RGS14: variants seen among roughly 807,000 people sequenced by gnomAD.
RGS14 encodes the protein regulator of G protein signaling 14.
A neutral mutation model predicts 63.8 loss-of-function variants in RGS14; 33 were observed. The ratio of observed to expected loss-of-function variants is 0.52; its 90% confidence interval spans 0.39 to 0.69. The LOEUF (loss-of-function observed/expected upper bound fraction) is 0.69. Ranked by LOEUF, RGS14 falls within the 30% of genes least tolerant of loss-of-function variation. RGS14 has a pLI of 0.00. For missense variants in RGS14, 739 were observed against 742.9 expected (o/e 0.99, Z 0.06); for synonymous variants, 296 against 320.9 (o/e 0.92, Z 0.83).
intron 5 of RGS14, 142 bp downstream of exon 5, chr5:177,367,176 G>A (rs1762119485): frequency 8.1e-7 from 1 of 1,241,858 alleles, no homozygotes; most frequent in Admixed American, 2.6e-5. Flanking sequence ...GGGCAGGCAG[G>A]GCGGAGCTCA....
chr5:177,358,166 C>T lies in RGS14; in HGVS notation c.45+97C>T, dbSNP rs911327630. ...CCCGGCAGGGCCAGGCAAGAGCCCA[C>T]GGGCTGCCAGCAGGCGAGAGAAGTT... On this transcript the variant is annotated intron_variant, in intron 1 of 14. Transcript: ENST00000408923. The surrounding 1 kb of genome is among the most constrained non-coding windows in gnomAD (Gnocchi z 4.8). 7.6e-6 allele frequency: 8 copies of T among 1,050,332 alleles called. No homozygotes were observed. Among genetic ancestry groups the T allele is most frequent in the Middle Eastern group, 2.4e-4 (1 of 4,242 alleles). 65.1% of individuals were successfully genotyped at this position (1,050,332 alleles called of 1,614,324 possible). A position where few individuals can be genotyped will look rare whatever the true frequency, so the allele number is the denominator to read the frequency against.
At chr5:177,363,365 G>A (rs1180115977) in intron 1 of RGS14, among the ~76,000 whole-genome samples, 3 of 150,776 alleles carry the variant, frequency 2.0e-5, no homozygotes, top group Non-Finnish European at 4.4e-5. Context: ...CCCGCCCAGC[G>A]CGCTCTGCAC....
At chr5:177,369,261 C>T (rs1291065847) in intron 9 of RGS14, among the ~76,000 whole-genome samples, 6 of 152,220 alleles carry the variant, frequency 3.9e-5, no homozygotes, top group Admixed American at 3.9e-4. Context: ...GGGGTGCCCT[C>T]ACCTCCTTAG....
At position 177,359,577 on chromosome 5, in the gene RGS14, G is replaced by A. The variant is rs1419677843; in HGVS notation, c.45+1508G>A. Among the ~76,000 whole-genome samples, 2 of 152,176 alleles carry A rather than the reference G, an allele frequency of 1.3e-5. No individual in the cohort carries two copies. The highest frequency in any genetic ancestry group is 6.5e-5 in the Admixed American group (1 of 15,280). ...TCTACTCAAAAGTCACCTAGAGCAGGGAGGGTGCCCCAAGGTCTGCCCCCA... is the reference window on the plus strand; with the variant it reads ...TCTACTCAAAAGTCACCTAGAGCAGAGAGGGTGCCCCAAGGTCTGCCCCCA... On this transcript the variant is annotated intron_variant, in intron 1 of 14. Coordinates refer to ENST00000408923, the MANE Select transcript of RGS14 (RefSeq NM_006480.5). This position sits in a 1 kb window ranked among gnomAD's most constrained non-coding sequence, Gnocchi z 4.4.
chr5:177,362,094 C>G (rs1417174667), intron 1 of RGS14, among the ~76,000 whole-genome samples: 1 of 152,192 alleles, frequency 6.6e-6, no homozygotes, highest in Non-Finnish European at 1.5e-5. Context: ...TCACAGCAGC[C>G]TCAGGAAATT....
chr5:177,370,879 C>G, intron 10 of RGS14, 26 bp from the exon 11 acceptor site: 1 of 1,587,062 alleles, frequency 6.3e-7, no homozygotes, highest in Non-Finnish European at 8.5e-7. Flanking sequence ...CCCTCCGGCC[C>G]TCTGCTGCCC....
In RGS14 at chr5:177,371,051, G is replaced by A; in HGVS notation, c.1254+20G>A. On this transcript the variant is annotated intron_variant, in intron 11 of 14. Transcript: ENST00000408923. The surrounding 1 kb of genome is among the most constrained non-coding windows in gnomAD (Gnocchi z 6.1). ...CACCGGGTGAGCTTCCGGGCCGCGG[G>A]GCGGGGCGGGGCGGGGCCGGGCCGG... 1.7e-6 allele frequency: 2 copies of A among 1,153,968 alleles called. No individual in the cohort carries two copies. Among genetic ancestry groups the A allele is most frequent in the East Asian group, 4.2e-5 (1 of 24,096 alleles). 71.5% of individuals were successfully genotyped at this position (1,153,968 alleles called of 1,614,324 possible).
Position 177,372,221 on chromosome 5 carries a change from GA to G in RGS14, c.*149del. 1.3e-6 allele frequency: 1 copy of G among 768,620 alleles called. No homozygotes were observed. The highest frequency in any genetic ancestry group is 2.1e-6 in the Non-Finnish European group (1 of 474,562). The allele number at this position is 768,620 out of a possible 1,614,324, so 47.6% of individuals were successfully genotyped here. ...CCCGCAGGAAGAGCCGGTAGGGGTG[GA>G]AAGGGGACTCAGATGAGACACACCC... On this transcript the variant is annotated 3_prime_UTR_variant, in exon 15 of 15. Transcript: ENST00000408923.
Position 177,370,663 on chromosome 5 carries a change from G to C in RGS14, c.1126G>C (p.Glu376Gln). 1.2e-6 allele frequency: 2 copies of C among 1,613,894 alleles called. No individual in the cohort carries two copies. Among genetic ancestry groups the C allele is most frequent in the Non-Finnish European group, 1.7e-6 (2 of 1,179,902 alleles). ...EVRLENRITFELELTALERVV... is the reference protein window; with the variant it reads ...EVRLENRITFQLELTALERVV... ...GCGGCTGGAAAACAGGATCACCTTCGAGTGAGTGTCCTGCCCCCAAGTCTG... is the reference window on the plus strand; with the variant it reads ...GCGGCTGGAAAACAGGATCACCTTCCAGTGAGTGTCCTGCCCCCAAGTCTG... Residue 376 changes from glutamate to glutamine, a missense_variant and splice_region_variant, in exon 10 of 15, where the codon GAG (glutamate) becomes CAG (glutamine). Coordinates refer to ENST00000408923, the MANE Select transcript of RGS14 (RefSeq NM_006480.5).
At chr5:177,365,506 G>T (rs1762067775) in intron 1 of RGS14, among the ~76,000 whole-genome samples, 1 of 152,132 alleles carries the variant, frequency 6.6e-6, no homozygotes, top group Non-Finnish European at 1.5e-5. Context: ...TCCAGCCAAT[G>T]CTGTGAATAT....
Position 177,371,358 on chromosome 5 carries a change from A to C in RGS14, c.1345A>C (p.Ile449Leu). 1 of 1,613,890 alleles carries C rather than the reference A, an allele frequency of 6.2e-7. No individual in the cohort carries two copies. Among genetic ancestry groups the C allele is most frequent in the African/African-American group, 1.3e-5 (1 of 74,904 alleles). The change falls in exon 13 of 15, where the codon ATC becomes CTC. Residue 449 changes from isoleucine (I) to leucine (L), a missense_variant. Ile to Leu is a conservative substitution (Grantham distance 5). Coordinates refer to ENST00000408923, the MANE Select transcript of RGS14 (RefSeq NM_006480.5). The surrounding 1 kb of genome is among the most constrained non-coding windows in gnomAD (Gnocchi z 6.1). ...LVLDTLPGVK[I>L]SKARDKSPCR... ...GGCCCTCTCTGCTGCAGGTGTGAAG[A>C]TCTCCAAAGCCCGTGACAAATCTCC...
At position 177,371,724 on chromosome 5, in the gene RGS14, T is replaced by TG. The variant is rs1425975209; in HGVS notation, c.1498+141dup. 6.6e-6 allele frequency: 4 copies of TG among 608,454 alleles called. No homozygotes were observed. In the African/African-American group the frequency reaches 1.4e-4, roughly 21 times the overall value. 37.7% of individuals were successfully genotyped at this position (608,454 alleles called of 1,614,324 possible). On this transcript the variant is annotated intron_variant, in intron 14 of 14. Coordinates refer to ENST00000408923, the MANE Select transcript of RGS14 (RefSeq NM_006480.5). The surrounding 1 kb of genome is among the most constrained non-coding windows in gnomAD (Gnocchi z 6.1). ...GGCGTGGAACAGGAAGGATGGGGGT[T>TG]GGGGGGTCAAAGGGGCTGGAACAGG...
At position 177,368,199 on chromosome 5, in the gene RGS14, A is replaced by C; in HGVS notation, c.782A>C (p.Gln261Pro). 1 of 1,613,986 alleles carries C rather than the reference A, an allele frequency of 6.2e-7. No homozygotes were observed. The highest frequency in any genetic ancestry group is 2.2e-5 in the East Asian group (1 of 44,876). The change falls in exon 8 of 15, where the codon CAG becomes CCG. Residue 261 changes from glutamine (Q) to proline (P), a missense_variant. Transcript: ENST00000408923. ...TANAALRRES[Q>P]GSLNSSASLD... ...AACGCCGCCTTGCGCCGAGAGTCTC[A>C]GGGCTCCCTCAACTCCTCCGCCAGC...
intron 1 of RGS14, among the ~76,000 whole-genome samples, chr5:177,362,570 C>A (rs1581615471): frequency 6.6e-6 from 1 of 152,102 alleles, no homozygotes; most frequent in African/African-American, 2.4e-5. Context: ...GGGAGCAATT[C>A]CAAGCGAAGA....
Position 177,368,812 on chromosome 5 carries a change from G to T in RGS14, c.945G>T (p.Leu315Phe). The T allele has an allele frequency of 6.2e-7, 1 of 1,614,252 alleles. No individual in the cohort carries two copies. Among genetic ancestry groups the T allele is most frequent in the Non-Finnish European group, 8.5e-7 (1 of 1,180,044 alleles). The change falls in exon 9 of 15, where the codon TTG becomes TTT. Residue 315 changes from leucine to phenylalanine, a missense_variant. By Grantham distance (22) the Leu-to-Phe change is conservative. Coordinates refer to ENST00000408923, the MANE Select transcript of RGS14 (RefSeq NM_006480.5). ...ACCTGCCCGATGGCACAGCCTCCTT[G>T]GCCCTGGCCAGACCTGGCCTCACCA... ...CVYLPDGTASLALARPGLTIR... is the reference protein window; with the variant it reads ...CVYLPDGTASFALARPGLTIR...
chr5:177,372,361 A>T lies in RGS14; in HGVS notation c.*286A>T. ...GAACAGGCTTGCCCAACATGGAGGG[A>T]TGGCGTTGGCAGTGCCAGCCTCCCC... is the stretch of plus-strand genomic sequence containing the variant. On this transcript the variant is annotated 3_prime_UTR_variant, in exon 15 of 15. Coordinates refer to ENST00000408923, the MANE Select transcript of RGS14 (RefSeq NM_006480.5). The T allele has an allele frequency of 5.4e-6, 2 of 370,694 alleles. No individual in the cohort carries two copies. Among genetic ancestry groups the T allele is most frequent in the African/African-American group, 2.1e-5 (1 of 47,896 alleles). 23.0% of individuals were successfully genotyped at this position (370,694 alleles called of 1,614,324 possible).
At chr5:177,366,508 T>C in intron 3 of RGS14, 153 bp downstream of exon 3, 1 of 823,282 alleles carries the variant, frequency 1.2e-6, no homozygotes, top group Non-Finnish European at 1.9e-6. Context: ...GGAACTTTTC[T>C]TCCTTCTCCC....
chr5:177,361,516 TGG>T (rs1317675085), intron 1 of RGS14, among the ~76,000 whole-genome samples: 1 of 152,078 alleles, frequency 6.6e-6, no homozygotes, highest in Non-Finnish European at 1.5e-5. Context: ...GGGTAGAGGG[TGG>T]GGAGGCCTCA....
At chr5:177,361,525 C>G (rs954397176) in intron 1 of RGS14, among the ~76,000 whole-genome samples, 2 of 152,138 alleles carry the variant, frequency 1.3e-5, no homozygotes, top group Admixed American at 1.3e-4. Flanking sequence ...GTGGGGAGGC[C>G]TCAGGCTCCA....
Sources: gnomAD v4.1 joint callset for allele counts (sites outside exome capture counted in the v4.1 genomes callset) on GRCh38, gnomAD v4.1.1 for gene constraint, Gnocchi (gnomAD v3.1) non-coding constraint, MANE v1.5 for transcripts, NCBI Gene and HGNC (gene_info 2026-07-23, HGNC 2026-07-21) for gene names.